The following TAX1BP1 variants were observed in gnomAD, a reference collection of about 807,000 sequenced individuals.
TAX1BP1 encodes the protein tax1-binding protein 1.
A neutral mutation model predicts 97.7 loss-of-function variants in TAX1BP1; 62 were observed. That is an observed-to-expected ratio of 0.63 (90% CI 0.52 to 0.78). The LOEUF is 0.78. Ranked by LOEUF, TAX1BP1 falls within the 30% of genes least tolerant of loss-of-function variation. The pLI is 0.00. For missense variants in TAX1BP1, 867 were observed against 916.1 expected, an observed-to-expected ratio of 0.95 and a Z score of 0.69; for synonymous variants, 340 against 304.2, an observed-to-expected ratio of 1.12 and a Z score of -1.23.
upstream of TAX1BP1, chr7:27,739,610 CAG>C (rs1463353110): frequency 6.6e-6 from 1 of 152,142 alleles, no homozygotes; most frequent in Non-Finnish European, 1.5e-5. Flanking sequence ...CAAATAGAAT[CAG>C]AGGGCATTAG....
intron 13 of TAX1BP1, among the ~76,000 whole-genome samples, chr7:27,810,207 CTT>C (rs61226834): frequency 7.7e-5 from 11 of 143,226 alleles, no homozygotes; most frequent in Admixed American, 1.4e-4. Flanking sequence ...ACGCACAGCC[CTT>C]TTTTTTTTTT....
chr7:27,828,348 A>C (rs1050313325), intron 16 of TAX1BP1, among the ~76,000 whole-genome samples: 2 of 152,200 alleles, frequency 1.3e-5, no homozygotes, highest in African/African-American at 4.8e-5. Flanking sequence ...TCTTGGTACT[A>C]ATTTCACGTA....
At chr7:27,786,566 A>G (rs1468714840) in intron 7 of TAX1BP1, among the ~76,000 whole-genome samples, 1 of 152,194 alleles carries the variant, frequency 6.6e-6, no homozygotes, top group African/African-American at 2.4e-5. Flanking sequence ...GAGGAATTTC[A>G]AGAACATTCT....
At chr7:27,796,327 T>C in intron 12 of TAX1BP1, 108 bp downstream of exon 12, 1 of 939,098 alleles carries the variant, frequency 1.1e-6, no homozygotes, top group East Asian at 2.7e-5. Flanking sequence ...TCCATCTCCA[T>C]ATAGTGTTAC....
At chr7:27,754,260 T>C (rs1462769185) in intron 2 of TAX1BP1, among the ~76,000 whole-genome samples, 1 of 151,882 alleles carries the variant, frequency 6.6e-6, no homozygotes, top group African/African-American at 2.4e-5. Flanking sequence ...TGTTTTTCCT[T>C]TTCAAATTTT....
At chr7:27,794,008 A>G (rs947592125) in intron 10 of TAX1BP1, among the ~76,000 whole-genome samples, 1 of 152,220 alleles carries the variant, frequency 6.6e-6, no homozygotes, top group African/African-American at 2.4e-5. Flanking sequence ...ACTCACATGT[A>G]TGAATTTGGC....
chr7:27,772,026 A>C (rs1484630948), intron 5 of TAX1BP1: 1 of 152,110 alleles, frequency 6.6e-6, no homozygotes, highest in Non-Finnish European at 1.5e-5. Context: ...TATAATGGAT[A>C]CATAATGTAA....
chr7:27,801,840 C>G (rs2128320662), intron 13 of TAX1BP1, among the ~76,000 whole-genome samples: 1 of 152,304 alleles, frequency 6.6e-6, no homozygotes, highest in South Asian at 2.1e-4. Flanking sequence ...TTGACACAGA[C>G]TAACACTGAC....
At chr7:27,747,986 T>C (rs778099462) in intron 1 of TAX1BP1, among the ~76,000 whole-genome samples, 1 of 151,976 alleles carries the variant, frequency 6.6e-6, no homozygotes, top group Non-Finnish European at 1.5e-5. Context: ...GGTTTAGTTA[T>C]AGGACCCCAA....
chr7:27,800,385 C>G (rs1007433769), intron 13 of TAX1BP1, among the ~76,000 whole-genome samples: 1 of 152,006 alleles, frequency 6.6e-6, no homozygotes, highest in Non-Finnish European at 1.5e-5. Context: ...CATTATCCTC[C>G]TGTTCATTTT....
chr7:27,811,368 T>G (rs941446546), intron 13 of TAX1BP1, among the ~76,000 whole-genome samples: 1 of 152,230 alleles, frequency 6.6e-6, no homozygotes, highest in Non-Finnish European at 1.5e-5. Context: ...CTAAGTTGAC[T>G]TGCATTTTTC....
intron 5 of TAX1BP1, among the ~76,000 whole-genome samples, chr7:27,784,733 G>A (rs1172543441): frequency 6.6e-6 from 1 of 152,090 alleles, no homozygotes; most frequent in Non-Finnish European, 1.5e-5. Flanking sequence ...GCTCATGCCT[G>A]TAGTCCCAGC....
chr7:27,763,006 A>C (rs572846406), intron 3 of TAX1BP1, among the ~76,000 whole-genome samples: 1 of 152,216 alleles, frequency 6.6e-6, no homozygotes, highest in South Asian at 2.1e-4. Context: ...GTTTCTGAAA[A>C]TTCAACAGTT....
intron 13 of TAX1BP1, among the ~76,000 whole-genome samples, chr7:27,813,790 T>A (rs1395111643): frequency 6.6e-6 from 1 of 152,218 alleles, no homozygotes; most frequent in Non-Finnish European, 1.5e-5. Context: ...TTCAAAGGCT[T>A]GAGGAGTTGT....
chr7:27,784,221 G>A (rs1391115408), intron 5 of TAX1BP1, among the ~76,000 whole-genome samples: 1 of 151,746 alleles, frequency 6.6e-6, no homozygotes, highest in Admixed American at 6.6e-5. Context: ...TACTGTTTTG[G>A]GGAGAAATTT....
At chr7:27,807,395 A>G (rs1344783615) in intron 13 of TAX1BP1, among the ~76,000 whole-genome samples, 1 of 152,074 alleles carries the variant, frequency 6.6e-6, no homozygotes, top group African/African-American at 2.4e-5. Flanking sequence ...CATACATTGC[A>G]TTTAGTTGTC....
chr7:27,808,394 G>A (rs530153915), intron 13 of TAX1BP1, among the ~76,000 whole-genome samples: 32 of 152,268 alleles, frequency 2.1e-4, no homozygotes, highest in African/African-American at 7.7e-4. Flanking sequence ...TTACTCAAGT[G>A]TTGAATACAC....
At chr7:27,805,132 C>T (rs943253874) in intron 13 of TAX1BP1, among the ~76,000 whole-genome samples, 2 of 152,112 alleles carry the variant, frequency 1.3e-5, no homozygotes, top group African/African-American at 4.8e-5. Flanking sequence ...TTTTTCGTTT[C>T]CACCAGCAAT....
intron 2 of TAX1BP1, among the ~76,000 whole-genome samples, chr7:27,753,837 T>C (rs1788109746): frequency 1.3e-5 from 2 of 151,898 alleles, no homozygotes; most frequent in South Asian, 4.2e-4. Flanking sequence ...TACTCACTTA[T>C]TTTGGGGTCT....
Sources: gnomAD v4.1 joint callset for allele counts (sites outside exome capture counted in the v4.1 genomes callset) on GRCh38, gnomAD v4.1.1 for gene constraint, MANE v1.5 for transcripts, NCBI Gene and HGNC (gene_info 2026-07-23, HGNC 2026-07-21) for gene names.